Variants in ITGA8 observed in about 807,000 individuals in gnomAD.
ITGA8 encodes the protein integrin subunit alpha 8.
In ITGA8, 91 loss-of-function variants were observed where a neutral mutation model predicts 142.3. That is an observed-to-expected ratio of 0.64 (90% CI 0.54 to 0.76). The LOEUF (loss-of-function observed/expected upper bound fraction) is 0.76. ITGA8 is among the 30% of genes least tolerant of loss of function. The pLI, the probability that ITGA8 is intolerant of heterozygous loss-of-function variation, is 0.00. For synonymous variants in ITGA8, 505 were observed against 485.2 expected (o/e 1.04, Z -0.54); for missense variants, 1,406 against 1,327.7 (o/e 1.06, Z -0.92).
At chr10:15,712,527 G>T (rs1427590759) in intron 2 of ITGA8, among the ~76,000 whole-genome samples, 1 of 152,174 alleles carries the variant, frequency 6.6e-6, no homozygotes, top group Non-Finnish European at 1.5e-5. Context: ...TTTTAACCCG[G>T]GAGATGGAGG....
intron 15 of ITGA8, among the ~76,000 whole-genome samples, chr10:15,610,549 T>TAA (rs1833275099): frequency 6.6e-6 from 1 of 152,208 alleles, no homozygotes; most frequent in African/African-American, 2.4e-5. Flanking sequence ...ACATAAATTC[T>TAA]AAATTAAACT....
At chr10:15,561,914 A>G (rs181614242) in intron 25 of ITGA8, among the ~76,000 whole-genome samples, 5 of 152,316 alleles carry the variant, frequency 3.3e-5, no homozygotes, top group Admixed American at 6.5e-5. Context: ...TCATGGCAGA[A>G]GGTGAAGGGG....
chr10:15,707,097 C>A (rs113701163), intron 2 of ITGA8, among the ~76,000 whole-genome samples: 1 of 152,106 alleles, frequency 6.6e-6, no homozygotes, highest in Non-Finnish European at 1.5e-5. Flanking sequence ...GTTCTTGTGA[C>A]CACCTGTGGT....
At chr10:15,653,177 TC>T (rs1834120675) in intron 11 of ITGA8, among the ~76,000 whole-genome samples, 1 of 152,082 alleles carries the variant, frequency 6.6e-6, no homozygotes, top group South Asian at 2.1e-4. Flanking sequence ...GAACACTCCT[TC>T]CTCCCTCCCT....
chr10:15,647,228 A>C (rs1833998895), intron 11 of ITGA8, among the ~76,000 whole-genome samples, 177 bp from the exon 12 acceptor site: 1 of 152,204 alleles, frequency 6.6e-6, no homozygotes, highest in African/African-American at 2.4e-5. Flanking sequence ...GAATGCTGTA[A>C]GAAAATAAGA....
At chr10:15,575,782 A>G (rs12249319) in intron 23 of ITGA8, among the ~76,000 whole-genome samples, 188 bp from the exon 24 acceptor site, 1,835 of 152,352 alleles carry the variant, frequency 0.012, 38 homozygotes, top group African/African-American at 0.042. Context: ...AGGATCTGAA[A>G]CTGCTAGTGT....
chr10:15,648,666 G>A (rs1475600994), intron 11 of ITGA8, among the ~76,000 whole-genome samples: 1 of 152,040 alleles, frequency 6.6e-6, no homozygotes, highest in African/African-American at 2.4e-5. Context: ...GGTGGGAACA[G>A]TTACTGAGAA....
intron 21 of ITGA8, among the ~76,000 whole-genome samples, chr10:15,593,256 G>A (rs892355122): frequency 5.3e-5 from 8 of 152,034 alleles, no homozygotes; most frequent in Non-Finnish European, 8.8e-5. Flanking sequence ...TAAAAACATG[G>A]GGAAAATAAA....
intron 13 of ITGA8, among the ~76,000 whole-genome samples, chr10:15,640,315 T>C (rs1833847970): frequency 6.6e-6 from 1 of 152,200 alleles, no homozygotes; most frequent in Non-Finnish European, 1.5e-5. Flanking sequence ...GTAGCTCAGA[T>C]TTCCCAGCCA....
chr10:15,544,250 A>T (rs902796931), intron 27 of ITGA8, among the ~76,000 whole-genome samples: 1 of 152,146 alleles, frequency 6.6e-6, no homozygotes, highest in Non-Finnish European at 1.5e-5. Flanking sequence ...GTGAGTTATG[A>T]CTGCACCACT....
chr10:15,564,624 G>A (rs1834045886), intron 25 of ITGA8, among the ~76,000 whole-genome samples: 2 of 152,172 alleles, frequency 1.3e-5, no homozygotes, highest in South Asian at 4.1e-4. Flanking sequence ...ACTCTTCACT[G>A]TGTCATAGGT....
chr10:15,606,374 T>G lies in ITGA8; in HGVS notation c.1813A>C (p.Asn605His), dbSNP rs768632640. The G allele has an allele frequency of 1.1e-5, 18 of 1,610,900 alleles. No individual in the cohort carries two copies. Among genetic ancestry groups the G allele is most frequent in the Non-Finnish European group, 1.4e-5 (17 of 1,177,446 alleles). ...AAGGTGGATTCGTCCAAACTGTAATTCAAACTAATGTTGATTGGAGATAAT... is the reference window on the plus strand; with the variant it reads ...AAGGTGGATTCGTCCAAACTGTAATGCAAACTAATGTTGATTGGAGATAAT... ...DKLSPINISL[N>H]YSLDESTFKE... The change falls in exon 18 of 30, where the codon AAT becomes CAT. Residue 605 changes from asparagine (N) to histidine (H), a missense_variant. Coordinates refer to ENST00000378076, the MANE Select transcript of ITGA8 (RefSeq NM_003638.3).
intron 2 of ITGA8, among the ~76,000 whole-genome samples, chr10:15,701,483 G>A (rs11816887): frequency 7.6e-4 from 115 of 151,678 alleles, no homozygotes; most frequent in African/African-American, 2.7e-3. Context: ...GGCAGCTTTT[G>A]GTTCTTTTTT....
At chr10:15,660,950 G>C in intron 8 of ITGA8, 28 bp from the exon 9 acceptor site, 1 of 1,595,316 alleles carries the variant, frequency 6.3e-7, no homozygotes, top group Non-Finnish European at 8.6e-7. Context: ...CATTTAGAAG[G>C]GGAATTACTC....
intron 13 of ITGA8, among the ~76,000 whole-genome samples, chr10:15,642,381 C>T (rs1833887046): frequency 6.6e-6 from 1 of 152,108 alleles, no homozygotes; most frequent in Admixed American, 6.5e-5. Flanking sequence ...CACAGCCTTT[C>T]TGTCAATTTT....
intron 19 of ITGA8, 141 bp from the exon 20 acceptor site, chr10:15,604,496 A>C: frequency 1.8e-6 from 1 of 555,982 alleles, no homozygotes; most frequent in Non-Finnish European, 3.0e-6. Flanking sequence ...AGATGGTAGG[A>C]AGAGGCAAGA....
chr10:15,530,225 C>T (rs537931023), intron 28 of ITGA8, among the ~76,000 whole-genome samples: 12 of 152,158 alleles, frequency 7.9e-5, no homozygotes, highest in African/African-American at 2.9e-4. Flanking sequence ...GTTTGGGTGT[C>T]AGTAATGTTT....
chr10:15,599,513 T>A (rs946384921), intron 20 of ITGA8, among the ~76,000 whole-genome samples: 2 of 152,092 alleles, frequency 1.3e-5, no homozygotes, highest in Non-Finnish European at 2.9e-5. Context: ...AATTTTATGA[T>A]AGGATAAATA....
chr10:15,612,855 T>C (rs1342456889), intron 15 of ITGA8, among the ~76,000 whole-genome samples: 1 of 152,212 alleles, frequency 6.6e-6, no homozygotes, highest in Non-Finnish European at 1.5e-5. Flanking sequence ...ACCCAGTAAA[T>C]TGACTAGTTA....
Sources: allele counts gnomAD v4.1 joint callset (sites outside exome capture counted in the v4.1 genomes callset), GRCh38; gene constraint gnomAD v4.1.1; transcripts MANE v1.5; gene names NCBI Gene and HGNC (gene_info 2026-07-23, HGNC 2026-07-21).